Variants in DPP10 observed in about 807,000 individuals in gnomAD.
The protein encoded by DPP10 is dipeptidyl peptidase like 10, also known as inactive dipeptidyl peptidase 10.
DPP10 carries 33 observed loss-of-function variants against 120.9 expected under a neutral mutation model. The ratio of observed to expected loss-of-function variants is 0.27; its 90% confidence interval spans 0.21 to 0.37. The LOEUF (loss-of-function observed/expected upper bound fraction) is 0.37. Among genes scored for constraint, DPP10 ranks in the 10% least tolerant of loss-of-function variants. The pLI is 1.00. For synonymous variants in DPP10, 337 were observed against 326.1 expected, an observed-to-expected ratio of 1.03 and a Z score of -0.36; for missense variants, 816 against 942.8, an observed-to-expected ratio of 0.87 and a Z score of 1.76.
At chr2:115,056,381 C>A (rs1453675543) in intron 1 of DPP10, among the ~76,000 whole-genome samples, 2 of 151,862 alleles carry the variant, frequency 1.3e-5, no homozygotes, top group African/African-American at 2.4e-5. Context: ...TTTTTTTCTT[C>A]TTCTTCTTCT....
chr2:115,222,208 C>T (rs1256855350), intron 1 of DPP10, among the ~76,000 whole-genome samples: 3 of 152,074 alleles, frequency 2.0e-5, no homozygotes, highest in Non-Finnish European at 4.4e-5. Flanking sequence ...ATAATGTATA[C>T]CTCACCCAAA....
chr2:114,497,384 TACATAC>T (rs1415684545), intron 1 of DPP10, among the ~76,000 whole-genome samples: 11 of 137,112 alleles, frequency 8.0e-5, no homozygotes, highest in Non-Finnish European at 1.2e-4. Flanking sequence ...CATATACATA[TACATAC>T]ACATACATAT....
At chr2:115,768,004 TG>T (rs1298178311) in intron 12 of DPP10, among the ~76,000 whole-genome samples, 1 of 152,204 alleles carries the variant, frequency 6.6e-6, no homozygotes, top group African/African-American at 2.4e-5. Context: ...TGACAGTTCT[TG>T]TTTGAACCAA....
At chr2:114,836,282 A>T (rs1182386263) in intron 1 of DPP10, among the ~76,000 whole-genome samples, 1 of 152,154 alleles carries the variant, frequency 6.6e-6, no homozygotes, top group African/African-American at 2.4e-5. Flanking sequence ...TCAGCCAGAT[A>T]TCGGGCAAAA....
intron 1 of DPP10, among the ~76,000 whole-genome samples, chr2:114,588,322 C>T (rs969479513): frequency 6.6e-6 from 1 of 152,142 alleles, no homozygotes; most frequent in Non-Finnish European, 1.5e-5. Flanking sequence ...AAGTAAATTA[C>T]CAAATAGTCA....
At chr2:115,751,746 T>C (rs1678735361) in intron 10 of DPP10, among the ~76,000 whole-genome samples, 1 of 152,020 alleles carries the variant, frequency 6.6e-6, no homozygotes. Context: ...TTTTCTGTAG[T>C]TGATATTTTT....
chr2:115,010,542 G>A (rs1422656764), intron 1 of DPP10, among the ~76,000 whole-genome samples: 1 of 151,986 alleles, frequency 6.6e-6, no homozygotes, highest in African/African-American at 2.4e-5. Flanking sequence ...ATATATATAT[G>A]TATGTGTATA....
chr2:114,682,774 A>G (rs111240265), intron 1 of DPP10, among the ~76,000 whole-genome samples: 1,318 of 70,506 alleles, frequency 0.019, 9 homozygotes, highest in African/African-American at 0.095. Flanking sequence ...CTGTCTGTCT[A>G]TCTATCTATC....
At chr2:115,690,935 G>T (rs2091280308) in intron 7 of DPP10, among the ~76,000 whole-genome samples, 1 of 152,030 alleles carries the variant, frequency 6.6e-6, no homozygotes. Context: ...TGTTTTTCCA[G>T]ACTTTTAAAT....
intron 1 of DPP10, among the ~76,000 whole-genome samples, chr2:114,577,353 G>T (rs536395947): frequency 1.3e-5 from 2 of 152,252 alleles, no homozygotes; most frequent in East Asian, 3.9e-4. Flanking sequence ...GAGTTCCCTT[G>T]GCCAACAGGC....
At chr2:115,195,622 AATT>A (rs1237442986) in intron 1 of DPP10, among the ~76,000 whole-genome samples, 1 of 152,152 alleles carries the variant, frequency 6.6e-6, no homozygotes, top group Admixed American at 6.5e-5. Flanking sequence ...AATTTACAGA[AATT>A]ATTATTACTT....
At chr2:114,682,103 T>A (rs1699065489) in intron 1 of DPP10, among the ~76,000 whole-genome samples, 1 of 151,890 alleles carries the variant, frequency 6.6e-6, no homozygotes, top group Non-Finnish European at 1.5e-5. Flanking sequence ...ATTGTACAAT[T>A]CACAACATTT....
Position 115,073,329 on chromosome 2 carries a change from T to C in DPP10, c.61-235910T>C, listed in dbSNP as rs554074995. Reference sequence around the variant, plus strand: ...ACCTGAATTCCACCTTGAGAAGTTATGTTTTTAAAATCCCCACTGGTCAAT... The same window carrying C: ...ACCTGAATTCCACCTTGAGAAGTTACGTTTTTAAAATCCCCACTGGTCAAT... On this transcript the variant is annotated intron_variant, in intron 1 of 25. Coordinates refer to ENST00000410059, the MANE Select transcript of DPP10 (RefSeq NM_020868.6). 4.6e-5 allele frequency among the ~76,000 whole-genome samples: 7 copies of C among 152,350 alleles called. No homozygotes were observed. The South Asian group carries it at 6.2e-4, about 14-fold the overall frequency.
At chr2:115,320,852 A>G (rs115806526) in intron 2 of DPP10, among the ~76,000 whole-genome samples, 1,571 of 152,138 alleles carry the variant, frequency 0.01, 23 homozygotes, top group African/African-American at 0.037. Flanking sequence ...ATATTTTTCC[A>G]CTTCATGCTG....
At chr2:115,097,018 A>G (rs1003463161) in intron 1 of DPP10, among the ~76,000 whole-genome samples, 2 of 152,206 alleles carry the variant, frequency 1.3e-5, no homozygotes, top group Non-Finnish European at 2.9e-5. Context: ...GAGCAGAATG[A>G]CTGCCTAATG....
At chr2:115,497,234 G>T (rs1419564759) in intron 3 of DPP10, among the ~76,000 whole-genome samples, 1 of 152,022 alleles carries the variant, frequency 6.6e-6, no homozygotes, top group Non-Finnish European at 1.5e-5. Context: ...GTATTACAAG[G>T]GTGGTTTCAA....
chr2:115,334,976 A>G (rs1398577451), intron 2 of DPP10, among the ~76,000 whole-genome samples: 1 of 151,546 alleles, frequency 6.6e-6, no homozygotes, highest in Non-Finnish European at 1.5e-5. Flanking sequence ...ATAAAGATAT[A>G]CCCGAGACTG....
At chr2:115,629,223 C>T (rs2085632727) in intron 5 of DPP10, among the ~76,000 whole-genome samples, 1 of 152,122 alleles carries the variant, frequency 6.6e-6, no homozygotes, top group South Asian at 2.1e-4. Context: ...CATTGGTGGA[C>T]ATTTGGGTTG....
intron 11 of DPP10, among the ~76,000 whole-genome samples, chr2:115,754,875 C>A (rs1449258929): frequency 6.6e-6 from 1 of 152,004 alleles, no homozygotes; most frequent in Non-Finnish European, 1.5e-5. Context: ...GATTATTGCA[C>A]CTTGTATACA....
Sources: gnomAD v4.1 joint callset for allele counts (sites outside exome capture counted in the v4.1 genomes callset) on GRCh38, gnomAD v4.1.1 for gene constraint, MANE v1.5 for transcripts, NCBI Gene and HGNC (gene_info 2026-07-23, HGNC 2026-07-21) for gene names.